ZNF71: variants seen among roughly 807,000 people sequenced by gnomAD.
The protein encoded by ZNF71 is endothelial zinc finger protein induced by tumor necrosis factor alpha.
In ZNF71, 3 loss-of-function variants were observed where a neutral mutation model predicts 6.7. The ratio of observed to expected loss-of-function variants is 0.45; its 90% CI spans 0.20 to 1.16. The LOEUF (loss-of-function observed/expected upper bound fraction) is 1.16, where lower values mean the gene tolerates loss of function less well. ZNF71 is among the 50% of genes most tolerant of loss of function. ZNF71 has a pLI of 0.25. For missense variants in ZNF71, 688 were observed against 728.6 expected, an observed-to-expected ratio of 0.94 and a Z score of 0.64; for synonymous variants, 343 against 311.1, an observed-to-expected ratio of 1.10 and a Z score of -1.08.
At chr19:56,604,565 C>T (rs2044695197) in intron 2 of ZNF71, among the ~76,000 whole-genome samples, 1 of 152,180 alleles carries the variant, frequency 6.6e-6, no homozygotes, top group Non-Finnish European at 1.5e-5. Flanking sequence ...ACATTGTTAT[C>T]AGGAAGCCTG....
At chr19:56,607,550 A>G (rs59102072) in intron 2 of ZNF71, among the ~76,000 whole-genome samples, 12,441 of 152,218 alleles carry the variant, frequency 0.082, 1,628 homozygotes, top group African/African-American at 0.28. Context: ...TAACAGAGGA[A>G]GAAACTGAAG....
In ZNF71 at chr19:56,624,027, A is replaced by G. The variant is rs1455155074; in HGVS notation, c.*1270A>G. 3.0e-5 allele frequency: 5 copies of G among 167,236 alleles called. No homozygotes were observed. Among genetic ancestry groups the G allele is most frequent in the Non-Finnish European group, 7.3e-5 (5 of 68,116 alleles). The allele number at this position is 167,236 out of a possible 1,614,324, so 10.4% of individuals were successfully genotyped here. On this transcript the variant is annotated 3_prime_UTR_variant, in exon 4 of 4. Transcript: ENST00000599599. ...AGGCCGACTGAAGCTCTGTTTACAC[A>G]TAAGAGTGTTCCCCAAAGTGCACTT...
chr19:56,607,590 C>T (rs574118333), intron 2 of ZNF71, among the ~76,000 whole-genome samples: 9 of 152,238 alleles, frequency 5.9e-5, no homozygotes, highest in African/African-American at 1.9e-4. Context: ...TGAAGATGTT[C>T]ACTTTCATAC....
At chr19:56,605,190 A>T (rs577059140) in intron 2 of ZNF71, among the ~76,000 whole-genome samples, 1 of 152,182 alleles carries the variant, frequency 6.6e-6, no homozygotes, top group Non-Finnish European at 1.5e-5. Context: ...GGTACATCTC[A>T]TATGCTCTGT....
At chr19:56,621,164 C>T (rs925086839) in intron 3 of ZNF71, 104 bp from the exon 4 acceptor site, 4 of 1,176,762 alleles carry the variant, frequency 3.4e-6, no homozygotes, top group African/African-American at 1.5e-5. Context: ...GTGCCTTGGG[C>T]CTCATTGGGG....
chr19:56,615,579 G>A (rs1454642738), intron 3 of ZNF71, among the ~76,000 whole-genome samples: 1 of 129,156 alleles, frequency 7.7e-6, no homozygotes, highest in Non-Finnish European at 1.7e-5. Context: ...TTTTTCTGTT[G>A]GGTTATTATT....
intron 3 of ZNF71, among the ~76,000 whole-genome samples, chr19:56,616,251 G>C (rs1316061846): frequency 6.6e-6 from 1 of 152,158 alleles, no homozygotes; most frequent in Non-Finnish European, 1.5e-5. Flanking sequence ...ATGTTGGGGG[G>C]ACAAATGTAT....
chr19:56,618,194 G>T lies in ZNF71; in HGVS notation c.161-3074G>T, dbSNP rs1305979405. Among the ~76,000 whole-genome samples, 3 of 152,200 alleles carry T rather than the reference G, an allele frequency of 2.0e-5. No homozygotes were observed. Among genetic ancestry groups the T allele is most frequent in the Non-Finnish European group, 2.9e-5 (2 of 68,036 alleles). Reference sequence around the variant, plus strand: ...CACTCCTCAGGAGCCACAGCTCGGGGGCCACACTGCCAGGGCTTGAATCCT... The same window carrying T: ...CACTCCTCAGGAGCCACAGCTCGGGTGCCACACTGCCAGGGCTTGAATCCT... On this transcript the variant is annotated intron_variant, in intron 3 of 3. Transcript: ENST00000599599. This position sits in a 1 kb window ranked among gnomAD's most constrained non-coding sequence, Gnocchi z 4.6.
intron 3 of ZNF71, among the ~76,000 whole-genome samples, chr19:56,616,239 G>T (rs767309932): frequency 6.6e-6 from 1 of 152,200 alleles, no homozygotes; most frequent in Non-Finnish European, 1.5e-5. Context: ...GTTTATTGGG[G>T]TATGTTGGGG....
Position 56,622,072 on chromosome 19 carries a change from G to A in ZNF71, c.965G>A (p.Arg322His), listed in dbSNP as rs2044858623. The A allele has an allele frequency of 1.9e-6, 3 of 1,612,658 alleles. No homozygotes were observed. Among genetic ancestry groups the A allele is most frequent in the African/African-American group, 1.3e-5 (1 of 74,860 alleles). The change falls in exon 4 of 4, where the codon CGC becomes CAC. Residue 322 changes from arginine (R) to histidine (H), a missense_variant. Coordinates refer to ENST00000599599, the MANE Select transcript of ZNF71 (RefSeq NM_001370215.1). ...AACATGCACCTCATCGTGCACCAGC[G>A]CACGCACACCGGGGAGAAGCCGTAC... ...SQNMHLIVHQ[R>H]THTGEKPYVC...
intron 3 of ZNF71, among the ~76,000 whole-genome samples, chr19:56,619,151 G>GA: frequency 6.6e-6 from 1 of 152,268 alleles, no homozygotes; most frequent in African/African-American, 2.4e-5. Flanking sequence ...TTAAAACTGT[G>GA]AAAAATATAT....
rs1285731431 is a variant in ZNF71, at chr19:56,603,852, T to TTTCACCTC, written c.33+2265_33+2266insCCTCTTCA. 1.3e-5 allele frequency among the ~76,000 whole-genome samples: 1 copy of TTTCACCTC among 74,228 alleles called. No homozygotes were observed. The highest frequency in any genetic ancestry group is 2.7e-5 in the Non-Finnish European group (1 of 36,864). 48.7% of individuals were successfully genotyped at this position (74,228 alleles called of 152,430 possible). A position where few individuals can be genotyped will look rare whatever the true frequency, so the allele number is the denominator to read the frequency against. On this transcript the variant is annotated intron_variant, in intron 2 of 3. Coordinates refer to ENST00000599599, the MANE Select transcript of ZNF71 (RefSeq NM_001370215.1). This position sits in a 1 kb window ranked among gnomAD's most constrained non-coding sequence, Gnocchi z 4.6. Reference sequence around the variant, plus strand: ...TTTAAAAAAAATTGAGCCTGTCTGGTTTCAGCGTTTTCCCTGTGGTGAAAT... The same window carrying TTTCACCTC: ...TTTAAAAAAAATTGAGCCTGTCTGGTTTCACCTCTTCAGCGTTTTCCCTGTGGTGAAAT...
intron 1 of ZNF71, among the ~76,000 whole-genome samples, chr19:56,597,050 C>T (rs2148001159): frequency 6.6e-6 from 1 of 152,210 alleles, no homozygotes; most frequent in South Asian, 2.1e-4. Flanking sequence ...CCCCTTGCTC[C>T]ATTGTTTTTT....
intron 3 of ZNF71, among the ~76,000 whole-genome samples, chr19:56,620,566 C>T (rs2044836017): frequency 6.6e-6 from 1 of 151,980 alleles, no homozygotes; most frequent in South Asian, 2.1e-4. Flanking sequence ...GGGTCTCACC[C>T]TGTCACCCAT....
intron 2 of ZNF71, among the ~76,000 whole-genome samples, chr19:56,607,827 C>T (rs2044721486): frequency 6.6e-6 from 1 of 152,214 alleles, no homozygotes. Context: ...AGGAATGGGG[C>T]AGTGGCATGG....
intron 1 of ZNF71, among the ~76,000 whole-genome samples, chr19:56,600,757 C>T (rs10423334): frequency 0.69 from 105,268 of 151,962 alleles, 37,034 homozygotes; most frequent in East Asian, 1. Flanking sequence ...TTTCAAGGGG[C>T]GAGTGATGGG....
intron 1 of ZNF71, among the ~76,000 whole-genome samples, chr19:56,595,832 A>G (rs2147999833): frequency 7.2e-6 from 1 of 138,048 alleles, no homozygotes; most frequent in East Asian, 2.3e-4. Flanking sequence ...GTCTCTGGAT[A>G]TTGTGATTGT....
In ZNF71 at chr19:56,621,491, A is replaced by AG. The variant is rs1328636591; in HGVS notation, c.389dup (p.Ser131LeufsTer7). ...GAATTCCCCAGGGGAACAAACTCTTAGGGGGCTCAGTACCCGCATGTCATG... is the reference window on the plus strand; with the variant it reads ...GAATTCCCCAGGGGAACAAACTCTTAGGGGGGCTCAGTACCCGCATGTCATG... On this transcript the variant is annotated frameshift_variant, in exon 4 of 4. Coordinates refer to ENST00000599599, the MANE Select transcript of ZNF71 (RefSeq NM_001370215.1). LOFTEE classifies it low-confidence loss of function (END_TRUNC). 2 of 1,614,014 alleles carry AG rather than the reference A, an allele frequency of 1.2e-6. No individual in the cohort carries two copies. The highest frequency in any genetic ancestry group is 8.5e-7 in the Non-Finnish European group (1 of 1,180,026).
intron 2 of ZNF71, among the ~76,000 whole-genome samples, chr19:56,607,968 G>T (rs2044722254): frequency 6.6e-6 from 1 of 152,130 alleles, no homozygotes; most frequent in African/African-American, 2.4e-5. Context: ...TCAGCTGCTG[G>T]TCAGATGGGC....
Sources: allele counts gnomAD v4.1 joint callset (sites outside exome capture counted in the v4.1 genomes callset), GRCh38; gene constraint gnomAD v4.1.1; non-coding constraint Gnocchi (gnomAD v3.1); transcripts MANE v1.5; gene names NCBI Gene and HGNC (gene_info 2026-07-23, HGNC 2026-07-21).